Variants in LRTM1 observed in about 807,000 individuals in gnomAD.
LRTM1 encodes leucine rich repeat transmembrane protein 1.
A neutral mutation model predicts 32.4 loss-of-function variants in LRTM1; 38 were observed. The observed-to-expected ratio is 1.17, with a 90% CI of 0.91 to 1.54. LRTM1 has a LOEUF of 1.54. Among genes scored for constraint, LRTM1 ranks in the 40% most tolerant of loss-of-function variants. The probability of loss-of-function intolerance (pLI) is 0.00; values close to 1 mark genes in which losing one functional copy is unlikely to be tolerated. For missense variants in LRTM1, 466 were observed against 415.4 expected (o/e 1.12, Z -1.06); for synonymous variants, 186 against 169.9 (o/e 1.09, Z -0.74).
chr3:54,939,029 A>T lies in LRTM1; in HGVS notation c.-221-13814T>A, dbSNP rs147600845. 2.8e-3 allele frequency among the ~76,000 whole-genome samples: 420 copies of T among 152,310 alleles called. 2 individuals carry two copies. Among genetic ancestry groups the T allele is most frequent in the African/African-American group, 9.8e-3 (406 of 41,568 alleles). ...AAACTGGGACCAAGAGGAAACTGTG[A>T]TGCTACCTCTCCATTTGGGATAATG... On this transcript the variant is annotated intron_variant, in intron 1 of 2. Coordinates refer to the LRTM1 transcript ENST00000493075.
At chr3:54,954,417 C>G (rs78310130) in intron 1 of LRTM1, among the ~76,000 whole-genome samples, 2,567 of 152,312 alleles carry the variant, frequency 0.017, 71 homozygotes, top group African/African-American at 0.058. Flanking sequence ...AGAGAAAGGA[C>G]TGTGTGGAGC....
intron 1 of LRTM1, among the ~76,000 whole-genome samples, chr3:54,946,207 G>T (rs1459900037): frequency 6.6e-6 from 1 of 152,126 alleles, no homozygotes; most frequent in Non-Finnish European, 1.5e-5. Flanking sequence ...GCCTGTTAAT[G>T]CTTACCTCCA....
intron 1 of LRTM1, among the ~76,000 whole-genome samples, chr3:54,962,523 C>T (rs1291616543): frequency 5.3e-5 from 8 of 152,212 alleles, no homozygotes; most frequent in Admixed American, 6.5e-5. Context: ...TTTTAATACC[C>T]GTGATTTTAT....
chr3:54,924,819 C>T lies in LRTM1; in HGVS notation c.404G>A (p.Ser135Asn), dbSNP rs748900992. The change falls in exon 2 of 3, where the codon AGC becomes AAC. Residue 135 changes from serine to asparagine, a missense_variant. Physicochemically the swap from Ser to Asn is conservative, Grantham distance 46 (BLOSUM62 1). Coordinates refer to ENST00000273286, the MANE Select transcript of LRTM1 (RefSeq NM_020678.4). The stretch of plus-strand genomic sequence containing the variant: ...CTCTCCCAAGGATGTGGGAAGGTGG[C>T]TTATGTTGTTTGATGACAAATCAAG... ...RELDLSSNNI[S>N]HLPTSLGETW... The T allele has an allele frequency of 1.2e-6, 2 of 1,614,014 alleles. No individual in the cohort carries two copies. The highest frequency in any genetic ancestry group is 1.7e-6 in the Non-Finnish European group (2 of 1,179,984).
chr3:54,939,571 T>C (rs1163601576), intron 1 of LRTM1, among the ~76,000 whole-genome samples: 3 of 152,186 alleles, frequency 2.0e-5, no homozygotes, highest in Non-Finnish European at 4.4e-5. Context: ...TTGGGCAAAG[T>C]GTGCTGGGGC....
intron 2 of LRTM1, among the ~76,000 whole-genome samples, chr3:54,920,386 C>G (rs932218632): frequency 1.3e-5 from 2 of 151,720 alleles, no homozygotes; most frequent in African/African-American, 4.8e-5. Context: ...CTTTTTGTTG[C>G]CACTGCTTAA....
intron 1 of LRTM1, among the ~76,000 whole-genome samples, chr3:54,960,220 ATCT>A (rs1019226719): frequency 1.3e-4 from 20 of 152,124 alleles, no homozygotes; most frequent in African/African-American, 3.9e-4. Context: ...AGCAAAGAAA[ATCT>A]TCTGCTGCGG....
chr3:54,958,062 C>G (rs1189051188), intron 1 of LRTM1, among the ~76,000 whole-genome samples: 2 of 152,196 alleles, frequency 1.3e-5, no homozygotes, highest in Non-Finnish European at 2.9e-5. Flanking sequence ...AAGTGCCTGC[C>G]TGTGCTGGTA....
chr3:54,934,641 AGACTTAGCCAG>A (rs1332307475), intron 1 of LRTM1, among the ~76,000 whole-genome samples: 1 of 152,174 alleles, frequency 6.6e-6, no homozygotes, highest in Non-Finnish European at 1.5e-5. Flanking sequence ...ACAGAGCCTA[AGACTTAGCCAG>A]GTTCTGTGTA....
At chr3:54,946,316 G>A (rs1011979813) in intron 1 of LRTM1, among the ~76,000 whole-genome samples, 2 of 152,164 alleles carry the variant, frequency 1.3e-5, no homozygotes, top group Admixed American at 1.3e-4. Context: ...TCCTGTACAT[G>A]TCTTCAGACC....
chr3:54,950,150 G>A lies in LRTM1; in HGVS notation c.-222+16778C>T, dbSNP rs529993805. On this transcript the variant is annotated intron_variant, in intron 1 of 2. Transcript: ENST00000493075. ...ATGGGAGTCATAAGTGAAAAGTAGG[G>A]AACTGGGAGAACTATTTCCATACAG... Among the ~76,000 whole-genome samples, 40 of 152,340 alleles carry A rather than the reference G, an allele frequency of 2.6e-4. No homozygotes were observed. In the Middle Eastern group the frequency reaches 0.01, roughly 39 times the overall value.
In LRTM1 at chr3:54,924,809, G is replaced by A; in HGVS notation, c.414C>T (p.Pro138=). ...DLSSNNISHL[P]TSLGETWENL... ...TCTCCCAAGTCTCTCCCAAGGATGT[G>A]GGAAGGTGGCTTATGTTGTTTGATG... The change falls in exon 2 of 3, where the codon CCC becomes CCT. Residue 138 remains proline, a synonymous_variant. Coordinates refer to ENST00000273286, the MANE Select transcript of LRTM1 (RefSeq NM_020678.4). 2 of 1,614,086 alleles carry A rather than the reference G, an allele frequency of 1.2e-6. No homozygotes were observed. Among genetic ancestry groups the A allele is most frequent in the Non-Finnish European group, 1.7e-6 (2 of 1,180,016 alleles).
At chr3:54,939,237 C>T (rs1451528871) in intron 1 of LRTM1, among the ~76,000 whole-genome samples, 1 of 152,176 alleles carries the variant, frequency 6.6e-6, no homozygotes, top group African/African-American at 2.4e-5. Context: ...TATTTCTCCA[C>T]CACTCCAGGG....
intron 2 of LRTM1, among the ~76,000 whole-genome samples, chr3:54,920,311 G>T (rs1260312656): frequency 6.6e-6 from 1 of 152,164 alleles, no homozygotes. Flanking sequence ...ATCTTGCAGT[G>T]CAAGGATTAT....
At chr3:54,944,155 C>G (rs1345526057) in intron 1 of LRTM1, among the ~76,000 whole-genome samples, 1 of 151,810 alleles carries the variant, frequency 6.6e-6, no homozygotes, top group Non-Finnish European at 1.5e-5. Flanking sequence ...AGCCTCCACC[C>G]TAGAAGCTTT....
intron 1 of LRTM1, 58 bp downstream of exon 1, chr3:54,927,847 G>A: frequency 1.3e-6 from 2 of 1,583,018 alleles, no homozygotes; most frequent in Non-Finnish European, 1.7e-6. Context: ...CCTTTGTGAG[G>A]GGATACCATC....
At chr3:54,965,823 T>C (rs1230279340) in intron 1 of LRTM1, among the ~76,000 whole-genome samples, 1 of 152,044 alleles carries the variant, frequency 6.6e-6, no homozygotes. Context: ...CCAGGAGCCT[T>C]TGGGCAACAA....
rs184911281 is a variant in LRTM1, at chr3:54,947,531, G to A, written c.-222+19397C>T. On this transcript the variant is annotated intron_variant, in intron 1 of 2. Coordinates refer to the LRTM1 transcript ENST00000493075. ...GAGAACCTATACTGTTGAGTCTGTG[G>A]GTTAGCAGCATATATCCACAAAATT... 1.8e-3 allele frequency among the ~76,000 whole-genome samples: 275 copies of A among 152,198 alleles called. 1 individual carries two copies. The highest frequency in any genetic ancestry group is 6.4e-3 in the African/African-American group (264 of 41,530).
intron 1 of LRTM1, among the ~76,000 whole-genome samples, chr3:54,950,800 G>T (rs998274323): frequency 1.2e-4 from 19 of 152,154 alleles, no homozygotes; most frequent in African/African-American, 3.9e-4. Context: ...TAAACGGGAA[G>T]GGACGCACAG....
Sources: gnomAD v4.1 joint callset for allele counts (sites outside exome capture counted in the v4.1 genomes callset) on GRCh38, gnomAD v4.1.1 for gene constraint, MANE v1.5 for transcripts, NCBI Gene and HGNC (gene_info 2026-07-23, HGNC 2026-07-21) for gene names.